CNTNAP2: variants seen among roughly 807,000 people sequenced by gnomAD.
The protein encoded by CNTNAP2 is contactin associated protein 2, also known as contactin-associated protein-like 2.
Under a neutral mutation model 155.2 loss-of-function variants are expected in CNTNAP2, and 98 were observed. That is an observed-to-expected ratio of 0.63 (90% CI 0.54 to 0.75). CNTNAP2 has a LOEUF of 0.75. Ranked by LOEUF, CNTNAP2 falls within the 30% of genes least tolerant of loss-of-function variation. The probability of loss-of-function intolerance (pLI) is 0.00; values close to 1 mark genes in which losing one functional copy is unlikely to be tolerated. For missense variants in CNTNAP2, 1,727 were observed against 1,688.1 expected (o/e 1.02, Z -0.40); for synonymous variants, 651 against 631.2 (o/e 1.03, Z -0.47).
At chr7:148,111,693 G>GA (rs1200870084) in intron 15 of CNTNAP2, among the ~76,000 whole-genome samples, 1 of 152,154 alleles carries the variant, frequency 6.6e-6, no homozygotes, top group African/African-American at 2.4e-5. Flanking sequence ...TTCCAGAAAG[G>GA]AAAAAAATGT....
chr7:146,674,552 C>A (rs981322577), intron 1 of CNTNAP2, among the ~76,000 whole-genome samples: 1 of 151,758 alleles, frequency 6.6e-6, no homozygotes, highest in African/African-American at 2.4e-5. Context: ...GGTTCAGTGG[C>A]TGAGGCCTGT....
chr7:146,356,167 G>A (rs567239528), intron 1 of CNTNAP2, among the ~76,000 whole-genome samples: 1 of 151,968 alleles, frequency 6.6e-6, no homozygotes, highest in Admixed American at 6.6e-5. Flanking sequence ...AATTCTATCT[G>A]TAGACATCAG....
intron 10 of CNTNAP2, among the ~76,000 whole-genome samples, chr7:147,478,503 G>T (rs1798362377): frequency 6.6e-6 from 1 of 152,054 alleles, no homozygotes; most frequent in South Asian, 2.1e-4. Flanking sequence ...AAAACATCCA[G>T]AATTATATTT....
chr7:146,792,150 T>A (rs1802686043), intron 2 of CNTNAP2, among the ~76,000 whole-genome samples: 1 of 152,150 alleles, frequency 6.6e-6, no homozygotes, highest in African/African-American at 2.4e-5. Flanking sequence ...AATTAGACAT[T>A]CATTATTCAT....
In CNTNAP2 at chr7:146,308,243, G is replaced by A. The variant is rs565740708; in HGVS notation, c.97+191270G>A. Among the ~76,000 whole-genome samples the A allele has an allele frequency of 2.0e-3, 304 of 152,272 alleles. 2 individuals carry two copies. Among genetic ancestry groups the A allele is most frequent in the African/African-American group, 6.9e-3 (285 of 41,560 alleles). Reference sequence around the variant, plus strand: ...CATGAAAAAATGCTCATCATCACTGGCCATCAGAGAAATGCAAATCAAAAA... The same window carrying A: ...CATGAAAAAATGCTCATCATCACTGACCATCAGAGAAATGCAAATCAAAAA... On this transcript the variant is annotated intron_variant, in intron 1 of 23. Coordinates refer to ENST00000361727, the MANE Select transcript of CNTNAP2 (RefSeq NM_014141.6).
intron 10 of CNTNAP2, among the ~76,000 whole-genome samples, chr7:147,426,616 T>C (rs1797382118): frequency 6.6e-6 from 1 of 152,096 alleles, no homozygotes; most frequent in East Asian, 1.9e-4. Context: ...GAACAGAAAA[T>C]ATGTTAAAAA....
intron 14 of CNTNAP2, among the ~76,000 whole-genome samples, chr7:147,963,101 A>G (rs1191288016): frequency 1.3e-5 from 2 of 152,200 alleles, no homozygotes; most frequent in East Asian, 3.9e-4. Flanking sequence ...ATGGCTACAA[A>G]ATGACATAAT....
chr7:146,345,183 T>G (rs753272639), intron 1 of CNTNAP2, among the ~76,000 whole-genome samples: 2 of 152,192 alleles, frequency 1.3e-5, no homozygotes, highest in Non-Finnish European at 2.9e-5. Context: ...AGATATAAAA[T>G]TGACAAGAGA....
chr7:146,208,402 AT>A (rs1436831938), intron 1 of CNTNAP2, among the ~76,000 whole-genome samples: 4 of 152,130 alleles, frequency 2.6e-5, no homozygotes, highest in Non-Finnish European at 5.9e-5. Context: ...TAAAAGACTA[AT>A]TATTTATAGT....
chr7:147,566,596 G>C (rs1800176057), intron 12 of CNTNAP2, among the ~76,000 whole-genome samples: 1 of 152,160 alleles, frequency 6.6e-6, no homozygotes, highest in African/African-American at 2.4e-5. Flanking sequence ...CGGCAGGAGA[G>C]AGCATGTGAA....
intron 8 of CNTNAP2, among the ~76,000 whole-genome samples, chr7:147,240,226 G>T (rs930022504): frequency 6.6e-6 from 1 of 152,204 alleles, no homozygotes; most frequent in African/African-American, 2.4e-5. Context: ...AGGGGCCTGA[G>T]GCAGGAGGAT....
chr7:147,875,631 A>AC (rs1799409648), intron 13 of CNTNAP2, among the ~76,000 whole-genome samples: 1 of 152,130 alleles, frequency 6.6e-6, no homozygotes, highest in Admixed American at 6.5e-5. Flanking sequence ...AATGGCTCAT[A>AC]CCGTAATCAC....
chr7:148,045,214 G>C (rs1476009665), intron 15 of CNTNAP2, among the ~76,000 whole-genome samples: 2 of 152,122 alleles, frequency 1.3e-5, no homozygotes, highest in African/African-American at 2.4e-5. Flanking sequence ...GGACACGCAG[G>C]CTCCACCAGT....
intron 13 of CNTNAP2, among the ~76,000 whole-genome samples, chr7:147,678,561 A>C (rs530482977): frequency 6.6e-6 from 1 of 152,002 alleles, no homozygotes; most frequent in Non-Finnish European, 1.5e-5. Context: ...CGCGTTTTTT[A>C]TTCAGGACAG....
At chr7:147,723,499 A>T (rs1271667454) in intron 13 of CNTNAP2, among the ~76,000 whole-genome samples, 1 of 151,998 alleles carries the variant, frequency 6.6e-6, no homozygotes, top group Non-Finnish European at 1.5e-5. Context: ...TCATCGGGAC[A>T]TTGGTAAGGA....
intron 1 of CNTNAP2, among the ~76,000 whole-genome samples, chr7:146,588,089 C>T (rs966779615): frequency 3.3e-5 from 5 of 151,796 alleles, no homozygotes; most frequent in African/African-American, 4.8e-5. Flanking sequence ...TATGGATTCA[C>T]GTTGCCATAT....
At chr7:147,552,565 TTCCTC>T (rs1584808193) in intron 11 of CNTNAP2, among the ~76,000 whole-genome samples, 1 of 143,528 alleles carries the variant, frequency 7.0e-6, no homozygotes, top group Admixed American at 7.5e-5. Context: ...CCATTTTACT[TTCCTC>T]AACACACACA....
chr7:148,391,000 T>C (rs1364219284), intron 22 of CNTNAP2, among the ~76,000 whole-genome samples: 1 of 152,200 alleles, frequency 6.6e-6, no homozygotes, highest in Non-Finnish European at 1.5e-5. Flanking sequence ...CATGGCCTCG[T>C]GTAACATACA....
At chr7:147,481,768 G>C (rs374331463) in intron 10 of CNTNAP2, among the ~76,000 whole-genome samples, 1 of 152,106 alleles carries the variant, frequency 6.6e-6, no homozygotes, top group African/African-American at 2.4e-5. Context: ...CTTCTCCCCT[G>C]TACCTTCCTG....
Sources: allele counts gnomAD v4.1 joint callset (sites outside exome capture counted in the v4.1 genomes callset), GRCh38; gene constraint gnomAD v4.1.1; transcripts MANE v1.5; gene names NCBI Gene and HGNC (gene_info 2026-07-23, HGNC 2026-07-21).